DSG2: variants seen among roughly 807,000 people sequenced by gnomAD.
DSG2 encodes the protein desmoglein 2, also known as desmoglein-2.
DSG2 carries 45 observed loss-of-function variants against 75.6 expected under a neutral mutation model. That is an observed-to-expected ratio of 0.60 (90% confidence interval 0.47 to 0.76). The LOEUF is 0.76. DSG2 is among the 30% of genes least tolerant of loss of function. The probability of loss-of-function intolerance (pLI) is 0.00; values close to 1 mark genes in which losing one functional copy is unlikely to be tolerated. For synonymous variants in DSG2, 429 were observed against 483.9 expected (o/e 0.89, Z 1.49); for missense variants, 1,267 against 1,357.4 (o/e 0.93, Z 1.05).
chr18:31,527,398 T>A (rs1434419659), intron 8 of DSG2, among the ~76,000 whole-genome samples: 1 of 152,214 alleles, frequency 6.6e-6, no homozygotes, highest in Non-Finnish European at 1.5e-5. Context: ...TGCATGACTG[T>A]ATTTTTAGTG....
At chr18:31,498,438 A>G (rs1185149870) in intron 1 of DSG2, 142 bp downstream of exon 1, 11 of 918,376 alleles carry the variant, frequency 1.2e-5, no homozygotes, top group Non-Finnish European at 1.4e-5. Context: ...AGGGGGGAAA[A>G]GGGCCGGGCA....
rs1230368091 is a variant in DSG2, at chr18:31,538,920, T to C, written c.1821T>C (p.Tyr607=). 1.9e-6 allele frequency: 3 copies of C among 1,614,072 alleles called. No individual in the cohort carries two copies. Among genetic ancestry groups the C allele is most frequent in the African/African-American group, 2.7e-5 (2 of 74,942 alleles). The change falls in exon 12 of 15, where the codon TAT becomes TAC. Residue 607 remains tyrosine (Y), a synonymous_variant. Coordinates refer to ENST00000261590, the MANE Select transcript of DSG2 (RefSeq NM_001943.5). ...SGCREAQHDS[Y]VGLGPAAIAL... ...GCAGGGAAGCACAGCATGACTCCTA[T>C]GTGGGCCTGGGACCCGCAGCAATTG...
At chr18:31,513,848 T>C (rs1482708830) in intron 1 of DSG2, among the ~76,000 whole-genome samples, 1 of 152,214 alleles carries the variant, frequency 6.6e-6, no homozygotes, top group African/African-American at 2.4e-5. Flanking sequence ...TAGTATGGTG[T>C]GACAGAAAGG....
At chr18:31,533,305 CA>C (rs1240796696) in intron 9 of DSG2, among the ~76,000 whole-genome samples, 2 of 151,498 alleles carry the variant, frequency 1.3e-5, no homozygotes, top group East Asian at 1.9e-4. Flanking sequence ...CTTGTCTCTA[CA>C]AAAAAAAATT....
At position 31,498,269 on chromosome 18, in the gene DSG2, A is replaced by T. The variant is rs1231271136; in HGVS notation, c.18A>T (p.Gly6=). MARSP[G]RAYALLLLLI... is the part of the protein sequence containing the mutation. Reference sequence around the variant, plus strand: ...AGGGTGCGATGGCGCGGAGCCCGGGACGCGCGTACGCCCTGCTGCTTCTCC... The same window carrying T: ...AGGGTGCGATGGCGCGGAGCCCGGGTCGCGCGTACGCCCTGCTGCTTCTCC... Residue 6 remains glycine, a synonymous_variant, in exon 1 of 15, where the codon GGA becomes GGT. Coordinates refer to ENST00000261590, the MANE Select transcript of DSG2 (RefSeq NM_001943.5). The T allele has an allele frequency of 1.0e-5, 13 of 1,262,380 alleles. No homozygotes were observed. Among genetic ancestry groups the T allele is most frequent in the Non-Finnish European group, 1.1e-5 (11 of 999,658 alleles). The allele number at this position is 1,262,380 out of a possible 1,614,324, so 78.2% of individuals were successfully genotyped here.
chr18:31,537,910 G>A (rs1700902357), intron 11 of DSG2, among the ~76,000 whole-genome samples: 1 of 151,814 alleles, frequency 6.6e-6, no homozygotes, highest in Non-Finnish European at 1.5e-5. Flanking sequence ...GGCTGAGGCA[G>A]GTGAACCTGG....
At position 31,546,416 on chromosome 18, in the gene DSG2, T is replaced by C. The variant is rs1170018449; in HGVS notation, c.3030T>C (p.Asp1010=). 1.2e-6 allele frequency: 2 copies of C among 1,614,036 alleles called. No individual in the cohort carries two copies. Among genetic ancestry groups the C allele is most frequent in the African/African-American group, 2.7e-5 (2 of 74,930 alleles). Residue 1010 remains aspartate, a synonymous_variant, in exon 15 of 15, where the codon GAT becomes GAC. Coordinates refer to ENST00000261590, the MANE Select transcript of DSG2 (RefSeq NM_001943.5). ...TGGAAGGCACTCAGCATCTTCAAGA[T>C]GTACCTTACGTCATGGTGAGGGAAA... is the stretch of plus-strand genomic sequence containing the variant. ...NPLEGTQHLQ[D]VPYVMVRERE...
chr18:31,519,428 G>A (rs1241268027), intron 2 of DSG2, among the ~76,000 whole-genome samples: 1 of 152,128 alleles, frequency 6.6e-6, no homozygotes, highest in African/African-American at 2.4e-5. Flanking sequence ...GCCAGATGTG[G>A]TGGTGCATGC....
chr18:31,522,000 A>G, intron 5 of DSG2, 83 bp from the exon 6 acceptor site: 1 of 1,361,532 alleles, frequency 7.3e-7, no homozygotes, highest in Admixed American at 2.0e-5. Flanking sequence ...CTTTTTTGGA[A>G]CAAGCTAAAA....
intron 11 of DSG2, among the ~76,000 whole-genome samples, 175 bp downstream of exon 11, chr18:31,536,604 G>A (rs574749714): frequency 6.6e-6 from 1 of 152,280 alleles, no homozygotes; most frequent in Admixed American, 6.5e-5. Flanking sequence ...CTTATGGAGA[G>A]AAGAAAAATA....
chr18:31,503,098 A>G (rs2073022272), intron 1 of DSG2, among the ~76,000 whole-genome samples: 1 of 152,134 alleles, frequency 6.6e-6, no homozygotes, highest in Non-Finnish European at 1.5e-5. Context: ...AAGAAACCAG[A>G]CACATGACCC....
chr18:31,545,151 C>G (rs1224378248), intron 14 of DSG2, among the ~76,000 whole-genome samples: 1 of 152,166 alleles, frequency 6.6e-6, no homozygotes, highest in Non-Finnish European at 1.5e-5. Context: ...TAATCCTGCT[C>G]CAGTCATTCT....
At chr18:31,521,863 G>T (rs1378000787) in intron 5 of DSG2, among the ~76,000 whole-genome samples, 2 of 151,950 alleles carry the variant, frequency 1.3e-5, no homozygotes, top group Non-Finnish European at 2.9e-5. Flanking sequence ...AATTTTTCAG[G>T]ACTCTACCCT....
chr18:31,542,483 C>G (rs369073778), intron 13 of DSG2, 37 bp from the exon 14 acceptor site: 9 of 1,608,882 alleles, frequency 5.6e-6, no homozygotes, highest in Non-Finnish European at 7.7e-6. Flanking sequence ...TCCCTCCATC[C>G]TCCTGACTCA....
intron 12 of DSG2, 67 bp from the exon 13 acceptor site, chr18:31,541,126 T>C: frequency 6.2e-7 from 1 of 1,608,082 alleles, no homozygotes; most frequent in Admixed American, 1.7e-5. Flanking sequence ...ATTCCAAAAT[T>C]GTGCAATATA....
chr18:31,503,662 T>A (rs563353747), intron 1 of DSG2, among the ~76,000 whole-genome samples: 66 of 152,272 alleles, frequency 4.3e-4, no homozygotes, highest in African/African-American at 1.6e-3. Context: ...TGATTAAGTA[T>A]AATTGCGCCC....
Position 31,524,559 on chromosome 18 carries a change from A to C in DSG2, c.802A>C (p.Asn268His). 1 of 1,614,116 alleles carries C rather than the reference A, an allele frequency of 6.2e-7. No individual in the cohort carries two copies. The highest frequency in any genetic ancestry group is 8.5e-7 in the Non-Finnish European group (1 of 1,179,976). ...VQIRILDVND[N>H]IPVVENKVLE... ...GATTCGTATTTTGGATGTCAATGAC[A>C]ATATACCTGTAGTAGAAAATAAAGT... The change falls in exon 7 of 15, where the codon AAT becomes CAT. Residue 268 changes from asparagine (N) to histidine (H), a missense_variant. Transcript: ENST00000261590.
intron 1 of DSG2, 97 bp downstream of exon 1, chr18:31,498,393 C>A (rs1243376808): frequency 3.3e-6 from 4 of 1,197,194 alleles, no homozygotes; most frequent in Non-Finnish European, 4.2e-6. Context: ...CGCCCTTGTG[C>A]GCGTTACCTG....
intron 1 of DSG2, among the ~76,000 whole-genome samples, chr18:31,513,012 T>C (rs150193693): frequency 2.2e-4 from 34 of 152,338 alleles, no homozygotes; most frequent in Middle Eastern, 3.4e-3. Flanking sequence ...ATAAATTCTG[T>C]TTATTGAATG....
Sources: gnomAD v4.1 joint callset for allele counts (sites outside exome capture counted in the v4.1 genomes callset) on GRCh38, gnomAD v4.1.1 for gene constraint, MANE v1.5 for transcripts, NCBI Gene and HGNC (gene_info 2026-07-23, HGNC 2026-07-21) for gene names.